EEF1AKMT1: variants seen among roughly 807,000 people sequenced by gnomAD.
The protein encoded by EEF1AKMT1 is EEF1A lysine methyltransferase 1.
A neutral mutation model predicts 21.0 loss-of-function variants in EEF1AKMT1; 18 were observed. The ratio of observed to expected loss-of-function variants is 0.86; its 90% CI spans 0.59 to 1.27. The LOEUF (loss-of-function observed/expected upper bound fraction) is 1.27. Among genes scored for constraint, EEF1AKMT1 ranks in the 50% most tolerant of loss-of-function variants. The probability of loss-of-function intolerance (pLI) is 0.00; values close to 1 mark genes in which losing one functional copy is unlikely to be tolerated. For synonymous variants in EEF1AKMT1, 109 were observed against 94.8 expected (o/e 1.15, Z -0.87); for missense variants, 246 against 258.6 (o/e 0.95, Z 0.33).
At chr13:20,732,823 T>C (rs1431487319) in intron 3 of EEF1AKMT1, among the ~76,000 whole-genome samples, 2 of 152,240 alleles carry the variant, frequency 1.3e-5, no homozygotes, top group African/African-American at 4.8e-5. Flanking sequence ...AAAGTCATTT[T>C]GTAATATTCA....
chr13:20,770,463 G>C (rs1453774977), intron 1 of EEF1AKMT1, among the ~76,000 whole-genome samples: 1 of 152,186 alleles, frequency 6.6e-6, no homozygotes, highest in Non-Finnish European at 1.5e-5. Context: ...ACAAATGCTT[G>C]AAATGAATAG....
At chr13:20,731,182 T>A (rs2058793113) in intron 4 of EEF1AKMT1, among the ~76,000 whole-genome samples, 1 of 152,232 alleles carries the variant, frequency 6.6e-6, no homozygotes, top group Non-Finnish European at 1.5e-5. Flanking sequence ...TGGCTAATGT[T>A]TAAAATTTTT....
chr13:20,756,918 T>C (rs962280903), intron 2 of EEF1AKMT1, among the ~76,000 whole-genome samples: 1 of 152,070 alleles, frequency 6.6e-6, no homozygotes, highest in South Asian at 2.1e-4. Flanking sequence ...CCACATGGGG[T>C]AACCATCCCC....
intron 2 of EEF1AKMT1, among the ~76,000 whole-genome samples, chr13:20,741,764 T>C (rs1272623145): frequency 6.6e-6 from 1 of 152,160 alleles, no homozygotes; most frequent in Non-Finnish European, 1.5e-5. Flanking sequence ...TGTAATTACT[T>C]TTTAAAAACA....
intron 2 of EEF1AKMT1, among the ~76,000 whole-genome samples, chr13:20,746,440 C>T (rs554184609): frequency 1.3e-4 from 20 of 152,302 alleles, no homozygotes; most frequent in African/African-American, 3.4e-4. Flanking sequence ...CATGAGGCAC[C>T]GTGCCTGGCC....
At chr13:20,771,116 C>T (rs2059060956) in intron 1 of EEF1AKMT1, among the ~76,000 whole-genome samples, 2 of 152,146 alleles carry the variant, frequency 1.3e-5, no homozygotes, top group Admixed American at 6.5e-5. Context: ...AAGTGATCTA[C>T]CCACCTTGTT....
chr13:20,756,813 C>T (rs896499668), intron 2 of EEF1AKMT1, among the ~76,000 whole-genome samples: 5 of 152,172 alleles, frequency 3.3e-5, no homozygotes, highest in Admixed American at 2.6e-4. Flanking sequence ...TTGTGCCCAC[C>T]TTTGAGTGGT....
At chr13:20,752,902 T>C (rs564012481) in intron 2 of EEF1AKMT1, among the ~76,000 whole-genome samples, 1 of 152,248 alleles carries the variant, frequency 6.6e-6, no homozygotes, top group South Asian at 2.1e-4. Flanking sequence ...CAACTTTTCA[T>C]TGATCCATTG....
At chr13:20,735,898 T>C (rs2058823510) in intron 3 of EEF1AKMT1, among the ~76,000 whole-genome samples, 1 of 151,848 alleles carries the variant, frequency 6.6e-6, no homozygotes, top group Non-Finnish European at 1.5e-5. Context: ...TGGAAGCAGA[T>C]ATGGTAAACT....
intron 2 of EEF1AKMT1, among the ~76,000 whole-genome samples, chr13:20,741,065 A>G (rs1304992945): frequency 6.6e-6 from 1 of 151,868 alleles, no homozygotes; most frequent in Non-Finnish European, 1.5e-5. Flanking sequence ...CAGATTCTCC[A>G]GTTTGTTTAG....
chr13:20,754,240 G>C (rs1192532485), intron 2 of EEF1AKMT1, among the ~76,000 whole-genome samples: 1 of 150,480 alleles, frequency 6.6e-6, no homozygotes, highest in Admixed American at 6.6e-5. Flanking sequence ...AATTTTGCTG[G>C]GTATAGAATC....
intron 2 of EEF1AKMT1, among the ~76,000 whole-genome samples, chr13:20,748,736 T>G (rs1227439102): frequency 3.5e-5 from 4 of 114,188 alleles, no homozygotes; most frequent in East Asian, 2.2e-4. Flanking sequence ...GTTTTTTTTT[T>G]TTTTTTTTTT....
chr13:20,730,592 T>C (rs9579937), intron 4 of EEF1AKMT1, among the ~76,000 whole-genome samples: 21,724 of 152,126 alleles, frequency 0.14, 1,716 homozygotes, highest in African/African-American at 0.18. Flanking sequence ...GTCTCGACCT[T>C]CAGAGATCAA....
intron 2 of EEF1AKMT1, among the ~76,000 whole-genome samples, chr13:20,743,128 G>A (rs531024911): frequency 6.6e-5 from 10 of 152,038 alleles, no homozygotes; most frequent in African/African-American, 9.6e-5. Flanking sequence ...GTGCAGTGGC[G>A]CAATCTCAGC....
intron 1 of EEF1AKMT1, among the ~76,000 whole-genome samples, chr13:20,766,087 T>C (rs1238953668): frequency 5.3e-5 from 8 of 150,750 alleles, no homozygotes; most frequent in African/African-American, 1.2e-4. Flanking sequence ...ATCATGAGGT[T>C]AGGAGTTCAA....
At chr13:20,752,763 G>C (rs1429180903) in intron 2 of EEF1AKMT1, among the ~76,000 whole-genome samples, 2 of 151,950 alleles carry the variant, frequency 1.3e-5, no homozygotes, top group Admixed American at 6.6e-5. Flanking sequence ...CAGCAGTAAA[G>C]TCATCTGGTC....
intron 1 of EEF1AKMT1, among the ~76,000 whole-genome samples, chr13:20,759,384 C>T (rs548001079): frequency 1.8e-3 from 271 of 152,172 alleles, no homozygotes; most frequent in African/African-American, 5.9e-3. Context: ...TCGAGACCAT[C>T]CTGGCTAACA....
In EEF1AKMT1 at chr13:20,737,739, C is replaced by G; in HGVS notation, c.211G>C (p.Val71Leu). The change falls in exon 3 of 5, where the codon GTA becomes CTA. Residue 71 changes from valine to leucine, a missense_variant. Transcript: ENST00000382758. ...LQLAQEAIAA[V>L]GEGGRIACVS... Reference sequence around the variant, plus strand: ...GAATCTCACCTGCCACCTTCTCCTACAGCTGCAATTGCCTCCTGTGCCAGC... The same window carrying G: ...GAATCTCACCTGCCACCTTCTCCTAGAGCTGCAATTGCCTCCTGTGCCAGC... 6.2e-7 allele frequency: 1 copy of G among 1,612,732 alleles called. No individual in the cohort carries two copies. Among genetic ancestry groups the G allele is most frequent in the East Asian group, 2.2e-5 (1 of 44,860 alleles).
chr13:20,764,965 T>A (rs2059020199), intron 1 of EEF1AKMT1, among the ~76,000 whole-genome samples: 1 of 147,188 alleles, frequency 6.8e-6, no homozygotes, highest in Non-Finnish European at 1.5e-5. Context: ...AGTTTTCGTC[T>A]AAAAAAAAAA....
Sources: allele counts gnomAD v4.1 joint callset (sites outside exome capture counted in the v4.1 genomes callset), GRCh38; gene constraint gnomAD v4.1.1; transcripts MANE v1.5; gene names NCBI Gene and HGNC (gene_info 2026-07-23, HGNC 2026-07-21).